Variants in AGMO observed in about 807,000 individuals in gnomAD.
AGMO encodes alkylglycerol monooxygenase, also known as glyceryl-ether monooxygenase.
AGMO carries 75 observed loss-of-function variants against 60.2 expected under a neutral mutation model. That is an observed-to-expected ratio of 1.25 (90% confidence interval 1.03 to 1.51). The LOEUF (loss-of-function observed/expected upper bound fraction) is 1.51. Among genes scored for constraint, AGMO ranks in the 40% most tolerant of loss-of-function variants. The probability of loss-of-function intolerance (pLI) is 0.00; values close to 1 mark genes in which losing one functional copy is unlikely to be tolerated. For synonymous variants in AGMO, 261 were observed against 177.1 expected (o/e 1.47, Z -3.76); for missense variants, 763 against 525.5 (o/e 1.45, Z -4.42).
intron 12 of AGMO, among the ~76,000 whole-genome samples, chr7:15,300,978 G>C (rs1784546967): frequency 6.6e-6 from 1 of 152,086 alleles, no homozygotes; most frequent in Non-Finnish European, 1.5e-5. Flanking sequence ...CTCTTAAATA[G>C]ACACACACAT....
intron 12 of AGMO, among the ~76,000 whole-genome samples, chr7:15,295,935 A>G (rs1784393505): frequency 6.6e-6 from 1 of 152,224 alleles, no homozygotes; most frequent in Non-Finnish European, 1.5e-5. Context: ...TTCCGTGGTC[A>G]TTAAAAATTA....
At chr7:15,366,094 T>A (rs765356556) in intron 11 of AGMO, 46 bp downstream of exon 11, 2 of 1,448,852 alleles carry the variant, frequency 1.4e-6, no homozygotes, top group South Asian at 1.2e-5. Flanking sequence ...TGGAAAATTC[T>A]TGAATTGAGT....
chr7:15,387,590 A>T (rs1783969288), intron 8 of AGMO, 50 bp from the exon 9 acceptor site: 1 of 1,489,242 alleles, frequency 6.7e-7, no homozygotes, highest in African/African-American at 1.4e-5. Flanking sequence ...AATAGGAAAG[A>T]TTAAATACCA....
At position 15,270,596 on chromosome 7, in the gene AGMO, A is replaced by ATTTTTTTTTTTT. The variant is rs527463907; in HGVS notation, c.1264-69249_1264-69238dup. 6.5e-4 allele frequency among the ~76,000 whole-genome samples: 31 copies of ATTTTTTTTTTTT among 48,058 alleles called. 2 individuals carry two copies. The highest frequency in any genetic ancestry group is 8.0e-4 in the Admixed American group (3 of 3,738). 31.5% of individuals were successfully genotyped at this position (48,058 alleles called of 152,430 possible). ...ATTAAACAAATTTAATCTGTTGATAATTTTTTTTTTTTTTTTTTTTTTTTT... is the reference window on the plus strand; with the variant it reads ...ATTAAACAAATTTAATCTGTTGATAATTTTTTTTTTTTTTTTTTTTTTTTTTTTTTTTTTTTT... On this transcript the variant is annotated intron_variant, in intron 12 of 12. Transcript: ENST00000342526.
chr7:15,155,308 CTTTATT>C, the AGMO span, among the ~76,000 whole-genome samples: 1 of 148,464 alleles, frequency 6.7e-6, no homozygotes, highest in African/African-American at 2.5e-5. Context: ...AAATTTTTTT[CTTTATT>C]TTTATCTGCC....
At chr7:15,324,896 C>T (rs1213041215) in intron 12 of AGMO, among the ~76,000 whole-genome samples, 2 of 151,994 alleles carry the variant, frequency 1.3e-5, no homozygotes, top group African/African-American at 2.4e-5. Context: ...CTGTGTGGTC[C>T]GGTTCCTAAT....
the AGMO span, among the ~76,000 whole-genome samples, chr7:15,123,993 G>A: frequency 1.3e-5 from 2 of 151,972 alleles, no homozygotes; most frequent in Admixed American, 6.6e-5. Context: ...GACGTGTCTC[G>A]CATTAGTACC....
chr7:15,338,083 A>G (rs1781720794), intron 12 of AGMO, among the ~76,000 whole-genome samples: 1 of 152,212 alleles, frequency 6.6e-6, no homozygotes, highest in African/African-American at 2.4e-5. Flanking sequence ...ATGTGAACAA[A>G]TGTAATTAAT....
At chr7:15,506,930 T>C (rs1307997805) in intron 3 of AGMO, among the ~76,000 whole-genome samples, 1 of 151,970 alleles carries the variant, frequency 6.6e-6, no homozygotes, top group Non-Finnish European at 1.5e-5. Context: ...TAATTTTTCC[T>C]AAAATGAGCA....
intron 4 of AGMO, among the ~76,000 whole-genome samples, chr7:15,420,415 C>T (rs1366405832): frequency 6.6e-6 from 1 of 152,012 alleles, no homozygotes; most frequent in Admixed American, 6.6e-5. Flanking sequence ...TAATGAGGAA[C>T]TGACCAATGG....
At chr7:15,281,590 G>A (rs570008904) in intron 12 of AGMO, among the ~76,000 whole-genome samples, 6 of 152,030 alleles carry the variant, frequency 3.9e-5, no homozygotes, top group Non-Finnish European at 8.8e-5. Context: ...TGGCAGGAGA[G>A]CTGAGGTGGC....
the AGMO span, among the ~76,000 whole-genome samples, chr7:15,159,501 C>T: frequency 1.3e-5 from 2 of 152,150 alleles, no homozygotes; most frequent in Non-Finnish European, 2.9e-5. Flanking sequence ...TCTCCCTAGG[C>T]TCATTCTCAT....
the AGMO span, among the ~76,000 whole-genome samples, chr7:15,176,197 A>C: frequency 6.6e-6 from 1 of 151,974 alleles, no homozygotes; most frequent in Non-Finnish European, 1.5e-5. Context: ...CATTATTTAC[A>C]TTTCCTTTTA....
intron 12 of AGMO, among the ~76,000 whole-genome samples, chr7:15,327,455 G>A (rs1231294397): frequency 1.3e-5 from 2 of 152,088 alleles, no homozygotes; most frequent in African/African-American, 4.8e-5. Context: ...ACATCTTTCT[G>A]GAGCTTCATT....
chr7:15,174,326 G>A, the AGMO span, among the ~76,000 whole-genome samples: 1 of 152,038 alleles, frequency 6.6e-6, no homozygotes, highest in Non-Finnish European at 1.5e-5. Context: ...AGGAGTGGTG[G>A]TATTAGGGGA....
intron 3 of AGMO, among the ~76,000 whole-genome samples, chr7:15,454,752 C>T (rs1257100238): frequency 2.0e-5 from 3 of 152,184 alleles, no homozygotes; most frequent in African/African-American, 4.8e-5. Context: ...TTTGACTCTT[C>T]TATCACCATA....
the AGMO span, among the ~76,000 whole-genome samples, chr7:15,167,871 C>T: frequency 6.6e-6 from 1 of 152,078 alleles, no homozygotes; most frequent in Admixed American, 6.6e-5. Context: ...ACTTCTAAAC[C>T]TTAATAAATA....
chr7:15,539,976 CA>C (rs1307266233), intron 3 of AGMO, among the ~76,000 whole-genome samples: 9 of 152,010 alleles, frequency 5.9e-5, no homozygotes, highest in African/African-American at 1.9e-4. Flanking sequence ...AGGGTCCAAT[CA>C]AGAGACAGAA....
At chr7:15,354,346 G>A (rs1453706487) in intron 12 of AGMO, among the ~76,000 whole-genome samples, 4 of 45,838 alleles carry the variant, frequency 8.7e-5, no homozygotes, top group Admixed American at 2.1e-4. Flanking sequence ...ATATACACGC[G>A]TGTATATAGA....
Sources: allele counts gnomAD v4.1 joint callset (sites outside exome capture counted in the v4.1 genomes callset), GRCh38; gene constraint gnomAD v4.1.1; transcripts MANE v1.5; gene names NCBI Gene and HGNC (gene_info 2026-07-23, HGNC 2026-07-21).